Variants in GRID2 observed in about 807,000 individuals in gnomAD.
The protein encoded by GRID2 is glutamate ionotropic receptor delta type subunit 2.
In GRID2, 33 loss-of-function variants were observed where a neutral mutation model predicts 114.8. The ratio of observed to expected loss-of-function variants is 0.29; its 90% confidence interval spans 0.22 to 0.38. The LOEUF is 0.38. Ranked by LOEUF, GRID2 falls within the 10% of genes least tolerant of loss-of-function variation. GRID2 has a pLI of 1.00. For missense variants in GRID2, 1,184 were observed against 1,257.7 expected, an observed-to-expected ratio of 0.94 and a Z score of 0.89; for synonymous variants, 505 against 449.9, an observed-to-expected ratio of 1.12 and a Z score of -1.55.
chr4:92,545,184 A>C (rs1726180645), intron 1 of GRID2, among the ~76,000 whole-genome samples: 2 of 150,432 alleles, frequency 1.3e-5, no homozygotes, highest in South Asian at 2.1e-4. Context: ...ACCTATTTTC[A>C]ATTTGCTATG....
intron 3 of GRID2, among the ~76,000 whole-genome samples, chr4:93,104,303 T>C (rs1450173792): frequency 1.3e-5 from 2 of 152,120 alleles, no homozygotes; most frequent in Non-Finnish European, 2.9e-5. Context: ...ATTAATAGTA[T>C]TTTTTATTTT....
intron 8 of GRID2, among the ~76,000 whole-genome samples, chr4:93,240,891 A>G (rs1747432692): frequency 6.6e-6 from 1 of 151,628 alleles, no homozygotes; most frequent in South Asian, 2.1e-4. Context: ...TTAACCACTA[A>G]CCAGGTCAAG....
intron 1 of GRID2, among the ~76,000 whole-genome samples, chr4:92,525,901 A>G (rs991593069): frequency 6.6e-6 from 1 of 152,142 alleles, no homozygotes; most frequent in African/African-American, 2.4e-5. Flanking sequence ...AAGAGAAGTT[A>G]AAGGGCTCTA....
chr4:93,295,154 A>G (rs1265427463), intron 8 of GRID2, among the ~76,000 whole-genome samples: 1 of 152,122 alleles, frequency 6.6e-6, no homozygotes, highest in Non-Finnish European at 1.5e-5. Flanking sequence ...AATAAAATGA[A>G]AGTTTAGGGA....
chr4:93,127,749 G>A (rs1194497171), intron 4 of GRID2, among the ~76,000 whole-genome samples: 1 of 151,986 alleles, frequency 6.6e-6, no homozygotes, highest in African/African-American at 2.4e-5. Context: ...TGTAATTCTA[G>A]TTCTTGGGAG....
chr4:93,110,708 A>G (rs764957728), intron 3 of GRID2, 40 bp from the exon 4 acceptor site: 3 of 1,295,422 alleles, frequency 2.3e-6, no homozygotes, highest in Non-Finnish European at 3.4e-6. Flanking sequence ...CTTCTGTACA[A>G]TAATTCACAG....
intron 14 of GRID2, among the ~76,000 whole-genome samples, chr4:93,718,853 T>A (rs1392577597): frequency 6.6e-6 from 1 of 152,154 alleles, no homozygotes; most frequent in Non-Finnish European, 1.5e-5. Context: ...CCAAGAACAT[T>A]CTTTCTCTTC....
intron 8 of GRID2, among the ~76,000 whole-genome samples, chr4:93,353,037 G>T (rs1760957202): frequency 6.6e-6 from 1 of 152,020 alleles, no homozygotes; most frequent in African/African-American, 2.4e-5. Context: ...GTCTGGGTGA[G>T]ATTCAAAAAG....
At position 92,929,680 on chromosome 4, in the gene GRID2, A is replaced by G. The variant is rs1158528455; in HGVS notation, c.245-155315A>G. ...ATTGATAGTACAAATCAAATGCACA[A>G]TTTAAAACTGAGATGGTTTTCTTAT... On this transcript the variant is annotated intron_variant, in intron 2 of 15. Coordinates refer to ENST00000282020, the MANE Select transcript of GRID2 (RefSeq NM_001510.4). 2.6e-5 allele frequency among the ~76,000 whole-genome samples: 4 copies of G among 151,412 alleles called. No homozygotes were observed. In the East Asian group the frequency reaches 5.8e-4, roughly 22 times the overall value.
intron 1 of GRID2, among the ~76,000 whole-genome samples, chr4:92,545,906 T>C (rs1057180284): frequency 6.6e-6 from 1 of 152,118 alleles, no homozygotes; most frequent in African/African-American, 2.4e-5. Flanking sequence ...AAATGAAAAA[T>C]ATTACTGGCA....
chr4:92,625,073 G>T (rs1218824962), intron 2 of GRID2, among the ~76,000 whole-genome samples: 2 of 151,686 alleles, frequency 1.3e-5, no homozygotes, highest in African/African-American at 4.8e-5. Context: ...AAGCCTGAAA[G>T]TATATTTTTG....
chr4:92,826,689 A>C lies in GRID2; in HGVS notation c.244+236403A>C, dbSNP rs116317966. On this transcript the variant is annotated intron_variant, in intron 2 of 15. Coordinates refer to ENST00000282020, the MANE Select transcript of GRID2 (RefSeq NM_001510.4). ...ATTCTAGCTTTGAATGTGACAATTT[A>C]TAATTATCTGTATAAGATAACCAAC... 2.2e-3 allele frequency among the ~76,000 whole-genome samples: 336 copies of C among 152,290 alleles called. 1 individual carries two copies. Among genetic ancestry groups the C allele is most frequent in the African/African-American group, 7.9e-3 (327 of 41,580 alleles).
chr4:93,724,766 GT>G (rs1729690824), intron 14 of GRID2, among the ~76,000 whole-genome samples: 1 of 151,878 alleles, frequency 6.6e-6, no homozygotes, highest in East Asian at 1.9e-4. Context: ...ACTGCACCAT[GT>G]TCCAGAGCTT....
intron 13 of GRID2, among the ~76,000 whole-genome samples, chr4:93,613,449 A>C (rs1339149382): frequency 1.0e-5 from 1 of 100,284 alleles, no homozygotes; most frequent in Non-Finnish European, 2.1e-5. Flanking sequence ...GGTTTTATCT[A>C]CTTTTGGTCT....
intron 1 of GRID2, among the ~76,000 whole-genome samples, chr4:92,502,338 AATT>A (rs1328794235): frequency 6.6e-6 from 1 of 152,106 alleles, no homozygotes; most frequent in East Asian, 1.9e-4. Flanking sequence ...ATTATTCTAC[AATT>A]ATTAGGGGCT....
chr4:93,531,559 T>G (rs1461939007), intron 13 of GRID2, among the ~76,000 whole-genome samples: 2 of 151,006 alleles, frequency 1.3e-5, no homozygotes, highest in African/African-American at 4.9e-5. Flanking sequence ...ATAGATAAGA[T>G]GAAAGGCATG....
chr4:93,587,081 T>C (rs979056579), intron 13 of GRID2, among the ~76,000 whole-genome samples: 1 of 152,084 alleles, frequency 6.6e-6, no homozygotes, highest in Non-Finnish European at 1.5e-5. Context: ...TCTCTTCTCC[T>C]CTATGAAGTT....
chr4:92,920,363 G>C (rs912555751), intron 2 of GRID2, among the ~76,000 whole-genome samples: 9 of 152,100 alleles, frequency 5.9e-5, no homozygotes, highest in African/African-American at 2.2e-4. Flanking sequence ...AATTCATATT[G>C]TTATGTGTGA....
chr4:92,998,321 G>T (rs1045485522), intron 2 of GRID2, among the ~76,000 whole-genome samples: 6 of 151,792 alleles, frequency 4.0e-5, no homozygotes, highest in African/African-American at 1.5e-4. Context: ...TATTTTCACT[G>T]ATCTTAATCA....
Sources: gnomAD v4.1 joint callset for allele counts (sites outside exome capture counted in the v4.1 genomes callset) on GRCh38, gnomAD v4.1.1 for gene constraint, MANE v1.5 for transcripts, NCBI Gene and HGNC (gene_info 2026-07-23, HGNC 2026-07-21) for gene names.